HERC6: variants seen among roughly 807,000 people sequenced by gnomAD.
HERC6 encodes HECT and RLD domain containing E3 ubiquitin protein ligase family member 6.
A neutral mutation model predicts 114.5 loss-of-function variants in HERC6; 101 were observed. That is an observed-to-expected ratio of 0.88 (90% CI 0.75 to 1.04). The LOEUF (loss-of-function observed/expected upper bound fraction) is 1.04. Among genes scored for constraint, HERC6 ranks in the 50% least tolerant of loss-of-function variants. The pLI is 0.00. For missense variants in HERC6, 1,133 were observed against 1,230.9 expected (o/e 0.92, Z 1.19); for synonymous variants, 408 against 436.2 (o/e 0.94, Z 0.81).
chr4:88,439,409 GGGAAA>G (rs1472034658), intron 20 of HERC6, among the ~76,000 whole-genome samples: 1 of 149,186 alleles, frequency 6.7e-6, no homozygotes, highest in African/African-American at 2.6e-5. Context: ...GGAAGGGAAA[GGGAAA>G]GGGAAGGGAA....
intron 1 of HERC6, 144 bp downstream of exon 1, chr4:88,379,264 T>C: frequency 1.6e-6 from 1 of 644,270 alleles, no homozygotes. Context: ...GCGGCTCAGA[T>C]GCTGGGCGCC....
In HERC6 at chr4:88,423,939, A is replaced by C. The variant is rs1334731184; in HGVS notation, c.1793A>C (p.Asp598Ala). ...TCCAACTTATTAAACTTTTATATAG[A>C]TAGAGGAAGACAGCTCTTTCGGGAT... Reference protein sequence around the residue: ...ELSNLLNFYIDRGRQLFRDNH... With the variant: ...ELSNLLNFYIARGRQLFRDNH... The change falls in exon 14 of 23, where the codon GAT becomes GCT. Residue 598 changes from aspartate (D) to alanine (A), a missense_variant. This residue lies in a region of HERC6 where 735 missense variants were observed against 754.0 expected (regional missense o/e 0.97). Transcript: ENST00000264346. 2 of 1,550,936 alleles carry C rather than the reference A, an allele frequency of 1.3e-6. No individual in the cohort carries two copies. Among genetic ancestry groups the C allele is most frequent in the South Asian group, 2.4e-5 (2 of 81,762 alleles).
chr4:88,411,415 C>T (rs535123020), intron 11 of HERC6, among the ~76,000 whole-genome samples: 37 of 152,234 alleles, frequency 2.4e-4, no homozygotes, highest in African/African-American at 8.9e-4. Flanking sequence ...AGTTATTTGA[C>T]ATTGTGATGC....
At chr4:88,384,051 A>G (rs1446811666) in intron 2 of HERC6, among the ~76,000 whole-genome samples, 1 of 152,120 alleles carries the variant, frequency 6.6e-6, no homozygotes, top group Non-Finnish European at 1.5e-5. Context: ...AACTTCCTTT[A>G]TCATACTAAA....
Position 88,390,729 on chromosome 4 carries a change from C to T in HERC6, c.514C>T (p.Pro172Ser). 1 of 1,614,070 alleles carries T rather than the reference C, an allele frequency of 6.2e-7. No individual in the cohort carries two copies. The highest frequency in any genetic ancestry group is 8.5e-7 in the Non-Finnish European group (1 of 1,180,004). Residue 172 changes from proline (P) to serine (S), a missense_variant, in exon 4 of 23, where the codon CCG becomes TCG. This residue lies in a region of HERC6 where 735 missense variants were observed against 754.0 expected (regional missense o/e 0.97). Coordinates refer to ENST00000264346, the MANE Select transcript of HERC6 (RefSeq NM_017912.4). ...GAAGGAGTTCCCCTCCCAAGCCAGC[C>T]CGCAGAGGGTGAGGTCCCTGGAGGG... The part of the protein sequence containing the change: ...LGKEFPSQAS[P>S]QRVRSLEGIP...
chr4:88,418,391 G>A (rs12504318), intron 13 of HERC6, among the ~76,000 whole-genome samples: 7,154 of 152,280 alleles, frequency 0.047, 290 homozygotes, highest in Admixed American at 0.13. Context: ...GACAAGCCCA[G>A]CTTGATGAGT....
At chr4:88,424,534 G>C in intron 14 of HERC6, 61 bp from the exon 15 acceptor site, 4 of 1,253,814 alleles carry the variant, frequency 3.2e-6, no homozygotes, top group Non-Finnish European at 4.6e-6. Context: ...TAAGGTAAAG[G>C]AAGTAAGTTT....
intron 8 of HERC6, among the ~76,000 whole-genome samples, chr4:88,404,341 C>T (rs1735702532): frequency 6.6e-6 from 1 of 152,034 alleles, no homozygotes; most frequent in Non-Finnish European, 1.5e-5. Context: ...GTGACCACCA[C>T]CATGCCCGGC....
At chr4:88,394,037 G>C (rs919884791) in intron 5 of HERC6, among the ~76,000 whole-genome samples, 12 of 152,116 alleles carry the variant, frequency 7.9e-5, no homozygotes, top group Non-Finnish European at 5.9e-5. Flanking sequence ...TGTAGCATAA[G>C]ATATATATAC....
chr4:88,426,599 T>C (rs570227075), intron 15 of HERC6, among the ~76,000 whole-genome samples: 2 of 151,676 alleles, frequency 1.3e-5, no homozygotes, highest in East Asian at 3.9e-4. Context: ...CCTGCCTCAG[T>C]CTCCCAAGTA....
intron 3 of HERC6, among the ~76,000 whole-genome samples, chr4:88,390,198 A>AAAG (rs1734828779): frequency 6.9e-6 from 1 of 144,608 alleles, no homozygotes; most frequent in East Asian, 2.1e-4. Flanking sequence ...AAAAAAAAAA[A>AAAG]AAAGAAAGTC....
chr4:88,400,266 G>A (rs1047941103), intron 8 of HERC6, among the ~76,000 whole-genome samples: 1 of 152,160 alleles, frequency 6.6e-6, no homozygotes, highest in African/African-American at 2.4e-5. Flanking sequence ...CCAGGCTGGA[G>A]TCTTGGCTCA....
At chr4:88,424,537 G>A in intron 14 of HERC6, 58 bp from the exon 15 acceptor site, 1 of 1,289,496 alleles carries the variant, frequency 7.8e-7, no homozygotes, top group South Asian at 1.3e-5. Flanking sequence ...GGTAAAGGAA[G>A]TAAGTTTTTT....
intron 2 of HERC6, 48 bp downstream of exon 2, chr4:88,383,428 AT>A: frequency 7.2e-7 from 1 of 1,386,356 alleles, no homozygotes; most frequent in Middle Eastern, 2.0e-4. Context: ...ATATAGTACC[AT>A]GTGCCAGGCA....
At position 88,388,138 on chromosome 4, in the gene HERC6, A is replaced by AT. The variant is rs10707148; in HGVS notation, c.437-2504dup. Among the ~76,000 whole-genome samples, 42 of 151,120 alleles carry AT rather than the reference A, an allele frequency of 2.8e-4. 1 individual carries two copies. The South Asian group carries it at 3.1e-3, about 11-fold the overall frequency. On this transcript the variant is annotated intron_variant, in intron 3 of 22. Transcript: ENST00000264346. ...TAGGCATTAGATAAGCTTAGATTAG[A>AT]TTTTTTTTTTCTGGCTGGGTGCGGT...
intron 14 of HERC6, among the ~76,000 whole-genome samples, chr4:88,424,341 G>T (rs1193630030): frequency 6.6e-6 from 1 of 151,960 alleles, no homozygotes; most frequent in East Asian, 1.9e-4. Context: ...ATACAAATAC[G>T]TGGTAGCACG....
chr4:88,397,047 A>G, intron 7 of HERC6, 60 bp downstream of exon 7: 12 of 1,466,476 alleles, frequency 8.2e-6, no homozygotes, highest in Non-Finnish European at 1.1e-5. Flanking sequence ...GAGAACTAGT[A>G]TTCAGCTTCC....
intron 8 of HERC6, chr4:88,399,322 CCACT>C (rs1247291428): frequency 6.6e-6 from 1 of 152,166 alleles, no homozygotes; most frequent in African/African-American, 2.4e-5. Flanking sequence ...ATTCAATCAG[CCACT>C]CAACAAAAAT....
At chr4:88,386,759 C>G (rs994046443) in intron 3 of HERC6, among the ~76,000 whole-genome samples, 4 of 152,202 alleles carry the variant, frequency 2.6e-5, no homozygotes, top group Admixed American at 2.0e-4. Context: ...ATAAAAGTTA[C>G]TCTTCTCTCC....
Sources: gnomAD v4.1 joint callset for allele counts (sites outside exome capture counted in the v4.1 genomes callset) on GRCh38, gnomAD v4.1.1 for gene constraint, gnomAD v4.1.1 regional missense constraint, MANE v1.5 for transcripts, NCBI Gene and HGNC (gene_info 2026-07-23, HGNC 2026-07-21) for gene names.